The following HEMK2 variants were observed in gnomAD, a reference collection of about 807,000 sequenced individuals.
HEMK2 encodes HemK methyltransferase 2, ETF1 glutamine and histone H4 lysine.
chr21:28,605,265 T>C, the HEMK2 span, among the ~76,000 whole-genome samples: 2 of 152,212 alleles, frequency 1.3e-5, no homozygotes, highest in Non-Finnish European at 2.9e-5. Flanking sequence ...CACACAGATA[T>C]TAATGCTGAG....
the HEMK2 span, among the ~76,000 whole-genome samples, chr21:28,799,848 A>G: frequency 2.6e-5 from 4 of 152,152 alleles, no homozygotes; most frequent in Admixed American, 2.6e-4. Flanking sequence ...ATCAGGTAAA[A>G]TGTTTGGCAT....
the HEMK2 span, among the ~76,000 whole-genome samples, chr21:28,608,389 A>T: frequency 3.9e-4 from 22 of 56,818 alleles, no homozygotes; most frequent in Non-Finnish European, 7.9e-4. Flanking sequence ...TTTCAACTTC[A>T]AAAAAAAAAA....
chr21:28,598,423 C>T, the HEMK2 span, among the ~76,000 whole-genome samples: 3 of 152,146 alleles, frequency 2.0e-5, no homozygotes, highest in South Asian at 2.1e-4. Flanking sequence ...AAATAACCCT[C>T]GATACCATGA....
the HEMK2 span, among the ~76,000 whole-genome samples, chr21:28,884,335 G>A: frequency 6.6e-6 from 1 of 152,154 alleles, no homozygotes; most frequent in Admixed American, 6.5e-5. Flanking sequence ...AGTTTAATAA[G>A]AGCTGGGACA....
the HEMK2 span, among the ~76,000 whole-genome samples, chr21:28,652,386 G>A: frequency 6.6e-6 from 1 of 152,018 alleles, no homozygotes; most frequent in Admixed American, 6.6e-5. Flanking sequence ...AGGGCTTATA[G>A]TTTCTTCCTT....
At chr21:28,709,937 G>A in the HEMK2 span, among the ~76,000 whole-genome samples, 3 of 152,170 alleles carry the variant, frequency 2.0e-5, no homozygotes, top group African/African-American at 7.2e-5. Context: ...GCTAATTTTG[G>A]TTTCAGTGCT....
chr21:28,773,345 G>A, the HEMK2 span, among the ~76,000 whole-genome samples: 2 of 151,878 alleles, frequency 1.3e-5, no homozygotes, highest in South Asian at 2.1e-4. Context: ...TCTCTCACTC[G>A]GCAACTCTCA....
chr21:28,667,965 C>A, the HEMK2 span, among the ~76,000 whole-genome samples: 2 of 152,074 alleles, frequency 1.3e-5, no homozygotes, highest in Non-Finnish European at 2.9e-5. Context: ...GCTAATCAAC[C>A]CAACAGCAAA....
the HEMK2 span, among the ~76,000 whole-genome samples, chr21:28,745,912 T>C: frequency 1.3e-5 from 2 of 152,352 alleles, no homozygotes; most frequent in East Asian, 1.9e-4. Context: ...TAACCGCAGA[T>C]ACTGCAGCTG....
the HEMK2 span, among the ~76,000 whole-genome samples, chr21:28,714,741 G>A: frequency 3.9e-5 from 6 of 152,202 alleles, no homozygotes; most frequent in African/African-American, 7.2e-5. Context: ...AAATGATCTC[G>A]TCACCCAGGT....
chr21:28,710,462 A>G, the HEMK2 span, among the ~76,000 whole-genome samples: 7 of 152,204 alleles, frequency 4.6e-5, no homozygotes, highest in Admixed American at 4.6e-4. Flanking sequence ...GCAGATGTAC[A>G]AAAGAATCTA....
At chr21:28,845,944 G>A in the HEMK2 span, among the ~76,000 whole-genome samples, 14 of 152,070 alleles carry the variant, frequency 9.2e-5, no homozygotes, top group East Asian at 7.7e-4. Flanking sequence ...CCAAACCCTC[G>A]TCCCACCCTC....
chr21:28,600,497 A>G, the HEMK2 span, among the ~76,000 whole-genome samples: 1 of 152,060 alleles, frequency 6.6e-6, no homozygotes, highest in Non-Finnish European at 1.5e-5. Context: ...GGCCCATGAA[A>G]CCTTTTTTTC....
chr21:28,784,042 C>A, the HEMK2 span, among the ~76,000 whole-genome samples: 46 of 152,312 alleles, frequency 3.0e-4, no homozygotes, highest in Admixed American at 2.9e-3. Context: ...CCTCCCCCCA[C>A]GGCGGTGGGC....
the HEMK2 span, among the ~76,000 whole-genome samples, chr21:28,648,771 T>C: frequency 1.3e-5 from 2 of 152,030 alleles, no homozygotes. Flanking sequence ...ACATACTGTG[T>C]TTTCTTTTAT....
chr21:28,615,299 T>G, the HEMK2 span, among the ~76,000 whole-genome samples: 12,752 of 151,950 alleles, frequency 0.084, 574 homozygotes, highest in Middle Eastern at 0.14. Context: ...GTCGTCTCTC[T>G]CTTTCCCATT....
the HEMK2 span, among the ~76,000 whole-genome samples, chr21:28,625,510 A>G: frequency 1.3e-5 from 2 of 152,110 alleles, no homozygotes; most frequent in Non-Finnish European, 2.9e-5. Context: ...ACTTGACATC[A>G]GGAGTTCGAG....
chr21:28,693,248 A>G, the HEMK2 span, among the ~76,000 whole-genome samples: 13 of 152,326 alleles, frequency 8.5e-5, no homozygotes, highest in South Asian at 2.3e-3. Context: ...AAAGCTCTAT[A>G]CAGATGAGAA....
chr21:28,884,236 C>A, the HEMK2 span, among the ~76,000 whole-genome samples: 1 of 152,164 alleles, frequency 6.6e-6, no homozygotes, highest in African/African-American at 2.4e-5. Context: ...TCTGGGCTAT[C>A]TTGAGAAGAA....
Sources: allele counts gnomAD v4.1 joint callset (sites outside exome capture counted in the v4.1 genomes callset), GRCh38; gene constraint gnomAD v4.1.1; transcripts MANE v1.5; gene names NCBI Gene and HGNC (gene_info 2026-07-23, HGNC 2026-07-21).